Variants in DYNC2H1 observed in about 807,000 individuals in gnomAD.
DYNC2H1 encodes the protein cytoplasmic dynein 2 heavy chain 1.
DYNC2H1 carries 410 observed loss-of-function variants against 570.0 expected under a neutral mutation model. That is an observed-to-expected ratio of 0.72 (90% CI 0.66 to 0.78). The LOEUF is 0.78. Among genes scored for constraint, DYNC2H1 ranks in the 30% least tolerant of loss-of-function variants. DYNC2H1 has a pLI of 0.00. For synonymous variants in DYNC2H1, 1,688 were observed against 1,677.6 expected (o/e 1.01, Z -0.15); for missense variants, 4,865 against 5,046.4 (o/e 0.96, Z 1.09).
Position 103,204,239 on chromosome 11 carries a change from G to A in DYNC2H1, c.8311+463G>A, listed in dbSNP as rs1159393197. ...TCCATGATTCAATCATGTCCCACCAGGTTCCTCCCGCAACACGTGGGGATT... is the reference window on the plus strand; with the variant it reads ...TCCATGATTCAATCATGTCCCACCAAGTTCCTCCCGCAACACGTGGGGATT... On this transcript the variant is annotated intron_variant, in intron 51 of 88. Coordinates refer to ENST00000375735, the MANE Select transcript of DYNC2H1 (RefSeq NM_001377.3). This position sits in a 1 kb window ranked among gnomAD's most constrained non-coding sequence, Gnocchi z 4.1. Among the ~76,000 whole-genome samples, 2 of 152,112 alleles carry A rather than the reference G, an allele frequency of 1.3e-5. No homozygotes were observed. The highest frequency in any genetic ancestry group is 2.4e-5 in the African/African-American group (1 of 41,402).
At chr11:103,323,639 C>T (rs1259031036) in intron 81 of DYNC2H1, among the ~76,000 whole-genome samples, 4 of 151,844 alleles carry the variant, frequency 2.6e-5, no homozygotes, top group Admixed American at 6.6e-5. Flanking sequence ...GTAAATAATT[C>T]GGAGTCCCTT....
chr11:103,383,478 A>ATT (rs35091786), intron 83 of DYNC2H1, among the ~76,000 whole-genome samples: 1,687 of 82,458 alleles, frequency 0.02, 37 homozygotes, highest in African/African-American at 0.056. Flanking sequence ...TTAAATCTTT[A>ATT]TTTTTTTTTT....
intron 59 of DYNC2H1, among the ~76,000 whole-genome samples, chr11:103,229,657 T>TG (rs1863932303): frequency 6.6e-6 from 1 of 152,186 alleles, no homozygotes; most frequent in Admixed American, 6.5e-5. Flanking sequence ...GCTGTTGTCT[T>TG]GGGGCTTCTC....
chr11:103,434,578 T>C (rs1244999455), intron 84 of DYNC2H1, among the ~76,000 whole-genome samples: 2 of 152,142 alleles, frequency 1.3e-5, no homozygotes, highest in Non-Finnish European at 2.9e-5. Context: ...TTGAGGATTT[T>C]GTTAAGGCAG....
At chr11:103,386,664 C>G (rs1204270094) in intron 83 of DYNC2H1, among the ~76,000 whole-genome samples, 1 of 152,146 alleles carries the variant, frequency 6.6e-6, no homozygotes, top group Admixed American at 6.5e-5. Context: ...CCCCACCCCA[C>G]AACAGGCCCC....
chr11:103,288,985 T>G (rs528859900), intron 75 of DYNC2H1, among the ~76,000 whole-genome samples: 1 of 152,182 alleles, frequency 6.6e-6, no homozygotes, highest in East Asian at 1.9e-4. Context: ...ACATCACTAT[T>G]GTAAAACCTA....
chr11:103,247,433 C>T lies in DYNC2H1; in HGVS notation c.10042+2059C>T, dbSNP rs185994019. 1.5e-3 allele frequency among the ~76,000 whole-genome samples: 228 copies of T among 152,142 alleles called. 1 individual carries two copies. Among genetic ancestry groups the T allele is most frequent in the Non-Finnish European group, 2.6e-3 (174 of 67,952 alleles). The stretch of plus-strand genomic sequence containing the variant: ...TATATCTCCATATGGATGTGTCTTT[C>T]GTAGTCCAATTGCTTCTGGGTGACC... On this transcript the variant is annotated intron_variant, in intron 65 of 88. Transcript: ENST00000375735.
At position 103,362,320 on chromosome 11, in the gene DYNC2H1, C is replaced by CTTTTTTTTTTT. The variant is rs879453459; in HGVS notation, c.12156+3963_12156+3973dup. ...GCTTCTTAAATATATTAATTTTTTT[C>CTTTTTTTTTTT]TTTTTTTTTTTTCTTTTTTTTTTTT... On this transcript the variant is annotated intron_variant, in intron 83 of 88. Transcript: ENST00000375735. Among the ~76,000 whole-genome samples, 3 of 71,620 alleles carry CTTTTTTTTTTT rather than the reference C, an allele frequency of 4.2e-5. 1 individual carries two copies. Among genetic ancestry groups the CTTTTTTTTTTT allele is most frequent in the Non-Finnish European group, 9.4e-5 (3 of 31,968 alleles). 47.0% of individuals were successfully genotyped at this position (71,620 alleles called of 152,430 possible). A position where few individuals can be genotyped will look rare whatever the true frequency, so the allele number is the denominator to read the frequency against.
At chr11:103,398,529 G>T (rs1942487732) in intron 83 of DYNC2H1, among the ~76,000 whole-genome samples, 1 of 152,132 alleles carries the variant, frequency 6.6e-6, no homozygotes, top group African/African-American at 2.4e-5. Context: ...AGATGAAAAA[G>T]CAACAGTGCC....
intron 79 of DYNC2H1, 88 bp downstream of exon 79, chr11:103,312,121 C>T (rs1031097090): frequency 4.2e-6 from 6 of 1,419,978 alleles, no homozygotes; most frequent in African/African-American, 1.4e-5. Context: ...TGGCTCATGC[C>T]TGTAATCCCA....
Position 103,375,652 on chromosome 11 carries a change from G to A in DYNC2H1, c.12156+17293G>A, listed in dbSNP as rs1941362449. Among the ~76,000 whole-genome samples the A allele has an allele frequency of 5.3e-5, 8 of 152,206 alleles. No homozygotes were observed. In the South Asian group the frequency reaches 1.7e-3, roughly 31 times the overall value. On this transcript the variant is annotated intron_variant, in intron 83 of 88. Transcript: ENST00000375735. ...TTAATGACTGCCCTATTGCATTTTGGACTTGCATGGGGCCTATAGCCCCTT... is the reference window on the plus strand; with the variant it reads ...TTAATGACTGCCCTATTGCATTTTGAACTTGCATGGGGCCTATAGCCCCTT...
At position 103,215,706 on chromosome 11, in the gene DYNC2H1, A is replaced by T. The variant is rs909386419; in HGVS notation, c.8695-15A>T. 1.3e-6 allele frequency: 2 copies of T among 1,566,638 alleles called. No homozygotes were observed. Among genetic ancestry groups the T allele is most frequent in the Non-Finnish European group, 1.7e-6 (2 of 1,158,160 alleles). On this transcript the variant is annotated splice_polypyrimidine_tract_variant and intron_variant, in intron 54 of 88. Transcript: ENST00000375735. ...CTTTTTTAAAATATTGCCGATCAAT[A>T]TTTTATTGATGTAGGCTGGTGTATC...
chr11:103,316,411 G>A (rs1042705759), intron 79 of DYNC2H1, 134 bp from the exon 80 acceptor site: 5 of 562,966 alleles, frequency 8.9e-6, no homozygotes, highest in East Asian at 3.5e-5. Context: ...ATTATGTGTT[G>A]GTTTTATTAA....
chr11:103,282,781 A>T (rs762306203), intron 72 of DYNC2H1, among the ~76,000 whole-genome samples: 1 of 152,058 alleles, frequency 6.6e-6, no homozygotes, highest in African/African-American at 2.4e-5. Context: ...AAGTTTCATG[A>T]AAGATTAAGC....
intron 83 of DYNC2H1, among the ~76,000 whole-genome samples, chr11:103,373,340 C>G (rs1372943318): frequency 6.6e-6 from 1 of 152,154 alleles, no homozygotes; most frequent in African/African-American, 2.4e-5. Context: ...ATAAAAGTCT[C>G]TTATGATACT....
At position 103,163,084 on chromosome 11, in the gene DYNC2H1, G is replaced by A. The variant is rs752835156; in HGVS notation, c.4548G>A (p.Lys1516=). The change falls in exon 30 of 89, where the codon AAG becomes AAA. Residue 1516 remains lysine, a synonymous_variant. Transcript: ENST00000375735. The surrounding 1 kb of genome is among the most constrained non-coding windows in gnomAD (Gnocchi z 4.6). ...EMKKTLEQLL[K]ECVTTGRSSQ... ...AGAAAACTTTGGAACAGTTGTTGAA[G>A]GAATGTGTTACTACTGGGCGAAGTT... The A allele has an allele frequency of 1.4e-4, 232 of 1,613,122 alleles. No homozygotes were observed. The highest frequency in any genetic ancestry group is 1.0e-3 in the South Asian group (93 of 91,014).
At chr11:103,421,683 G>A (rs191123757) in intron 84 of DYNC2H1, among the ~76,000 whole-genome samples, 9 of 152,236 alleles carry the variant, frequency 5.9e-5, no homozygotes, top group Admixed American at 5.9e-4. Flanking sequence ...CAATGTAGCA[G>A]AATCTCTGGG....
intron 72 of DYNC2H1, 139 bp downstream of exon 72, chr11:103,282,368 CT>C: frequency 1.4e-6 from 1 of 713,680 alleles, no homozygotes; most frequent in Non-Finnish European, 2.3e-6. Context: ...ATTCTGGCCT[CT>C]TAAGTATTTC....
At chr11:103,449,022 G>A (rs1944513507) in intron 85 of DYNC2H1, among the ~76,000 whole-genome samples, 1 of 152,120 alleles carries the variant, frequency 6.6e-6, no homozygotes, top group South Asian at 2.1e-4. Context: ...GTAGAAATAG[G>A]AAAGACGTTT....
Sources: gnomAD v4.1 joint callset for allele counts (sites outside exome capture counted in the v4.1 genomes callset) on GRCh38, gnomAD v4.1.1 for gene constraint, Gnocchi (gnomAD v3.1) non-coding constraint, MANE v1.5 for transcripts, NCBI Gene and HGNC (gene_info 2026-07-23, HGNC 2026-07-21) for gene names.